SSBP2: variants seen among roughly 807,000 people sequenced by gnomAD.
SSBP2 encodes the protein single-stranded DNA-binding protein 2.
In SSBP2, 17 loss-of-function variants were observed where a neutral mutation model predicts 61.8. The observed-to-expected ratio is 0.28, with a 90% CI of 0.19 to 0.41. SSBP2 has a LOEUF of 0.41. SSBP2 is among the 10% of genes least tolerant of loss of function. SSBP2 has a pLI of 1.00. For synonymous variants in SSBP2, 139 were observed against 141.3 expected, an observed-to-expected ratio of 0.98 and a Z score of 0.12; for missense variants, 310 against 458.7, an observed-to-expected ratio of 0.68 and a Z score of 2.96.
intron 4 of SSBP2, chr5:81,615,225 T>C: frequency 3.0e-6 from 1 of 334,486 alleles, no homozygotes; most frequent in Non-Finnish European, 5.4e-6. Context: ...AAATCAGACA[T>C]GCTTAAAGAT....
chr5:81,546,883 T>C (rs1771766744), intron 4 of SSBP2, among the ~76,000 whole-genome samples: 1 of 151,742 alleles, frequency 6.6e-6, no homozygotes. Flanking sequence ...ATATGTTCCA[T>C]AAAACCTTTA....
intron 4 of SSBP2, among the ~76,000 whole-genome samples, chr5:81,598,378 C>T (rs1240909862): frequency 2.6e-5 from 4 of 152,080 alleles, no homozygotes; most frequent in African/African-American, 9.7e-5. Context: ...AGGGAAAGCA[C>T]CTTTCAAAAA....
At chr5:81,603,948 T>C (rs1242289775) in intron 4 of SSBP2, among the ~76,000 whole-genome samples, 1 of 152,054 alleles carries the variant, frequency 6.6e-6, no homozygotes, top group Non-Finnish European at 1.5e-5. Flanking sequence ...AATAAGAAAA[T>C]ATATGCAAAC....
At chr5:81,594,597 G>A (rs1027046808) in intron 4 of SSBP2, among the ~76,000 whole-genome samples, 1 of 152,152 alleles carries the variant, frequency 6.6e-6, no homozygotes, top group Non-Finnish European at 1.5e-5. Context: ...TGGAAGTAAA[G>A]CACTCCTCAG....
intron 4 of SSBP2, among the ~76,000 whole-genome samples, chr5:81,526,775 A>C (rs964212054): frequency 2.6e-5 from 4 of 151,996 alleles, no homozygotes; most frequent in Non-Finnish European, 5.9e-5. Flanking sequence ...TCTTCTCAGG[A>C]GCTTATAATC....
intron 1 of SSBP2, among the ~76,000 whole-genome samples, chr5:81,676,547 G>A (rs1428232253): frequency 2.0e-5 from 3 of 152,098 alleles, no homozygotes; most frequent in Non-Finnish European, 2.9e-5. Context: ...GAACAGCATC[G>A]TTTCACAGCT....
At chr5:81,732,043 A>G (rs1756302024) in intron 1 of SSBP2, among the ~76,000 whole-genome samples, 1 of 152,092 alleles carries the variant, frequency 6.6e-6, no homozygotes. Context: ...TACCTCTAAT[A>G]TCATCCACCT....
intron 4 of SSBP2, among the ~76,000 whole-genome samples, chr5:81,607,042 G>A (rs574757026): frequency 2.0e-5 from 3 of 152,268 alleles, no homozygotes; most frequent in African/African-American, 7.2e-5. Context: ...GAATTAAGGT[G>A]TACTATTGTA....
intron 6 of SSBP2, among the ~76,000 whole-genome samples, chr5:81,478,830 C>T (rs1344750411): frequency 6.6e-6 from 1 of 152,158 alleles, no homozygotes; most frequent in African/African-American, 2.4e-5. Flanking sequence ...AACTTTGACA[C>T]TTAACTTCTG....
intron 4 of SSBP2, among the ~76,000 whole-genome samples, chr5:81,575,214 G>C (rs532876758): frequency 1.3e-5 from 2 of 152,316 alleles, no homozygotes; most frequent in African/African-American, 4.8e-5. Flanking sequence ...GTTGCAGTGA[G>C]CTGAGATCAC....
chr5:81,501,769 T>C (rs1429775034), intron 5 of SSBP2, among the ~76,000 whole-genome samples: 1 of 151,866 alleles, frequency 6.6e-6, no homozygotes, highest in Non-Finnish European at 1.5e-5. Context: ...GGTTTCACCA[T>C]GTTAGCCAGG....
intron 4 of SSBP2, among the ~76,000 whole-genome samples, chr5:81,606,295 G>A (rs1055614413): frequency 2.0e-5 from 3 of 152,046 alleles, no homozygotes; most frequent in African/African-American, 4.8e-5. Context: ...TGAAAACTAC[G>A]CAGTAAAAGG....
intron 1 of SSBP2, among the ~76,000 whole-genome samples, chr5:81,651,971 GA>G (rs994052660): frequency 2.0e-5 from 3 of 150,560 alleles, no homozygotes; most frequent in African/African-American, 4.9e-5. Context: ...CCCACTGCCT[GA>G]AAAAAAAACA....
intron 10 of SSBP2, among the ~76,000 whole-genome samples, chr5:81,449,738 T>C (rs1317326395): frequency 6.6e-6 from 1 of 152,206 alleles, no homozygotes; most frequent in Non-Finnish European, 1.5e-5. Flanking sequence ...ATTTGTTTTT[T>C]TGGAAATATT....
chr5:81,532,471 G>T (rs956319226), intron 4 of SSBP2, among the ~76,000 whole-genome samples: 26 of 151,712 alleles, frequency 1.7e-4, no homozygotes, highest in Admixed American at 1.4e-3. Context: ...GAGAGAAAAT[G>T]AAATAGTAAA....
chr5:81,451,879 T>C (rs1763797519), intron 10 of SSBP2, among the ~76,000 whole-genome samples: 1 of 152,286 alleles, frequency 6.6e-6, no homozygotes, highest in Non-Finnish European at 1.5e-5. Flanking sequence ...TTTTGGCTTA[T>C]GCTGTTTCTA....
intron 4 of SSBP2, among the ~76,000 whole-genome samples, chr5:81,577,772 T>C (rs1312363210): frequency 2.0e-5 from 3 of 152,008 alleles, no homozygotes; most frequent in African/African-American, 7.2e-5. Flanking sequence ...TATTACATCT[T>C]TTTTTCTACA....
chr5:81,500,516 A>G (rs1001521622), intron 5 of SSBP2, among the ~76,000 whole-genome samples: 7 of 152,108 alleles, frequency 4.6e-5, no homozygotes, highest in Admixed American at 4.6e-4. Flanking sequence ...GCTGGAGTAC[A>G]GTGACACAAT....
chr5:81,469,586 T>C (rs184783461), intron 8 of SSBP2, among the ~76,000 whole-genome samples: 4 of 152,086 alleles, frequency 2.6e-5, no homozygotes, highest in Middle Eastern at 3.4e-3. Flanking sequence ...AATAAGTACC[T>C]TGAAGGCAGC....
Sources: gnomAD v4.1 joint callset for allele counts (sites outside exome capture counted in the v4.1 genomes callset) on GRCh38, gnomAD v4.1.1 for gene constraint, MANE v1.5 for transcripts, NCBI Gene and HGNC (gene_info 2026-07-23, HGNC 2026-07-21) for gene names.